The following MMP20 variants were observed in gnomAD, a reference collection of about 807,000 sequenced individuals.
MMP20 encodes matrix metallopeptidase 20, also known as matrix metalloproteinase-20.
A neutral mutation model predicts 51.8 loss-of-function variants in MMP20; 50 were observed. The observed-to-expected ratio is 0.97, with a 90% CI of 0.77 to 1.22. The LOEUF (loss-of-function observed/expected upper bound fraction) is 1.22. Ranked by LOEUF, MMP20 falls within the 50% of genes most tolerant of loss-of-function variation. MMP20 has a pLI of 0.00. For missense variants in MMP20, 663 were observed against 601.4 expected, an observed-to-expected ratio of 1.10 and a Z score of -1.07; for synonymous variants, 244 against 216.2, an observed-to-expected ratio of 1.13 and a Z score of -1.13.
chr11:102,596,433 C>T (rs1859381502), intron 6 of MMP20, among the ~76,000 whole-genome samples: 1 of 152,000 alleles, frequency 6.6e-6, no homozygotes, highest in Admixed American at 6.6e-5. Context: ...AATTTCCTGG[C>T]CAATATCATG....
At chr11:102,596,506 C>A (rs1335823858) in intron 6 of MMP20, among the ~76,000 whole-genome samples, 4 of 152,156 alleles carry the variant, frequency 2.6e-5, no homozygotes, top group African/African-American at 9.7e-5. Context: ...TGTAAGGTGC[C>A]ATATGGATAG....
intron 5 of MMP20, chr11:102,607,216 T>C (rs527629676): frequency 1.2e-5 from 2 of 168,494 alleles, no homozygotes; most frequent in African/African-American, 4.8e-5. Flanking sequence ...CAGGAAAAAC[T>C]GAGCGAGTTC....
chr11:102,599,014 T>C (rs1272199540), intron 6 of MMP20, among the ~76,000 whole-genome samples: 3 of 2,168 alleles, frequency 1.4e-3, no homozygotes, highest in Non-Finnish European at 1.9e-3. Context: ...TCTTCTATCT[T>C]TTTTTTTTTT....
At position 102,608,834 on chromosome 11, in the gene MMP20, T is replaced by C. The variant is rs180711831; in HGVS notation, c.811+103A>G. ...AAGGCATAGTTGGGGTTATGGTTTC[T>C]AGATTGATCTTTACCAATGCAGATA... On this transcript the variant is annotated intron_variant, in intron 5 of 9. Transcript: ENST00000260228. The C allele has an allele frequency of 2.7e-4, 339 of 1,238,232 alleles. No homozygotes were observed. The African/African-American group carries it at 3.9e-3, about 14-fold the overall frequency. The allele number at this position is 1,238,232 out of a possible 1,614,324, so 76.7% of individuals were successfully genotyped here.
intron 1 of MMP20, among the ~76,000 whole-genome samples, chr11:102,622,731 G>C (rs941966120): frequency 2.6e-5 from 4 of 152,174 alleles, no homozygotes; most frequent in Non-Finnish European, 5.9e-5. Context: ...CCTCATGGAA[G>C]GAGCATAAGA....
chr11:102,586,204 G>A lies in MMP20; in HGVS notation c.1248-7062C>T, dbSNP rs142020879. On this transcript the variant is annotated intron_variant, in intron 8 of 9. Transcript: ENST00000260228. ...CTGTTCTTTTCTAAGGTTTGGAGGA[G>A]TTTGTAAAAAAATTGACATTAATTC... Among the ~76,000 whole-genome samples the A allele has an allele frequency of 1.2e-3, 177 of 152,260 alleles. 1 individual carries two copies. Among genetic ancestry groups the A allele is most frequent in the African/African-American group, 4.0e-3 (167 of 41,556 alleles).
chr11:102,578,803 AC>A (rs1267051073), intron 9 of MMP20, among the ~76,000 whole-genome samples: 9 of 152,008 alleles, frequency 5.9e-5, no homozygotes, highest in Non-Finnish European at 1.0e-4. Flanking sequence ...AAAAACAAAA[AC>A]AAACAAACAA....
rs1037907666 is a variant in MMP20, at chr11:102,612,031, T to A, written c.375-128A>T. On this transcript the variant is annotated intron_variant, in intron 2 of 9. Transcript: ENST00000260228. ...AGATTTTTCTCTGAAATAATAATTC[T>A]TATTTTGCTTTATTATATGTTAAAT... 3.4e-6 allele frequency: 3 copies of A among 879,668 alleles called. No homozygotes were observed. In the African/African-American group the frequency reaches 5.0e-5, roughly 15 times the overall value. The allele number at this position is 879,668 out of a possible 1,614,324, so 54.5% of individuals were successfully genotyped here. A position where few individuals can be genotyped will look rare whatever the true frequency, so the allele number is the denominator to read the frequency against.
At chr11:102,591,869 C>G (rs1355787478) in intron 8 of MMP20, among the ~76,000 whole-genome samples, 2 of 152,110 alleles carry the variant, frequency 1.3e-5, no homozygotes, top group African/African-American at 4.8e-5. Flanking sequence ...TTCAATCCAG[C>G]CTGGCTGAAG....
At chr11:102,611,452 G>A (rs770583312) in intron 3 of MMP20, among the ~76,000 whole-genome samples, 5 of 152,256 alleles carry the variant, frequency 3.3e-5, no homozygotes, top group Non-Finnish European at 5.9e-5. Flanking sequence ...ATGAGGTCAT[G>A]TGGCTAACGG....
chr11:102,612,186 C>T (rs1202719617), intron 2 of MMP20, among the ~76,000 whole-genome samples: 2 of 152,046 alleles, frequency 1.3e-5, no homozygotes, highest in African/African-American at 2.4e-5. Context: ...AATTTGTGGC[C>T]GGGCGCAGTG....
chr11:102,606,633 G>T lies in MMP20; in HGVS notation c.855C>A (p.Ala285=), dbSNP rs768882792. 214 of 1,613,822 alleles carry T rather than the reference G, an allele frequency of 1.3e-4. No homozygotes were observed. Among genetic ancestry groups the T allele is most frequent in the Non-Finnish European group, 1.8e-4 (208 of 1,179,858 alleles). Residue 285 remains alanine, a synonymous_variant, in exon 6 of 10, where the codon GCC becomes GCA. Transcript: ENST00000260228. ...VFLGKPTLPH[A]PHHKPSIPDL... is the part of the protein sequence containing the mutation. ...CAGGGATGGATGGCTTGTGATGGGG[G>T]GCATGGGGCAGAGTGGGCTTCCCCA...
At chr11:102,606,730 A>G in intron 5 of MMP20, 54 bp from the exon 6 acceptor site, 1 of 1,602,490 alleles carries the variant, frequency 6.2e-7, no homozygotes, top group Non-Finnish European at 8.5e-7. Context: ...GAGTTCACAC[A>G]CTTCTGCTCT....
At chr11:102,625,057 G>T in intron 1 of MMP20, 137 bp downstream of exon 1, 1 of 1,105,372 alleles carries the variant, frequency 9.0e-7, no homozygotes, top group South Asian at 1.3e-5. Context: ...ACAGAAGATA[G>T]CATCAGTTAG....
intron 2 of MMP20, among the ~76,000 whole-genome samples, chr11:102,613,120 A>G (rs1409910764): frequency 6.6e-6 from 1 of 152,218 alleles, no homozygotes; most frequent in Non-Finnish European, 1.5e-5. Flanking sequence ...GCCTTTCAGC[A>G]ATTACTGGTG....
At chr11:102,591,534 T>A (rs1859317191) in intron 8 of MMP20, among the ~76,000 whole-genome samples, 2 of 144,082 alleles carry the variant, frequency 1.4e-5, no homozygotes, top group Non-Finnish European at 2.9e-5. Context: ...TAGGTATCTG[T>A]GTCTGCATGC....
chr11:102,624,971 G>A (rs1374652360), intron 1 of MMP20, among the ~76,000 whole-genome samples: 1 of 152,080 alleles, frequency 6.6e-6, no homozygotes, highest in African/African-American at 2.4e-5. Flanking sequence ...AGATAGCTAG[G>A]TAGATATATC....
intron 6 of MMP20, among the ~76,000 whole-genome samples, chr11:102,602,784 G>C (rs896286247): frequency 2.0e-5 from 3 of 152,154 alleles, no homozygotes; most frequent in Non-Finnish European, 4.4e-5. Flanking sequence ...ATTTATAGAT[G>C]ATTGTGTGTG....
At chr11:102,587,101 C>A (rs1292545829) in intron 8 of MMP20, among the ~76,000 whole-genome samples, 1 of 151,750 alleles carries the variant, frequency 6.6e-6, no homozygotes, top group Admixed American at 6.6e-5. Flanking sequence ...TAATTTTTTT[C>A]TCTGAGTGCT....
Sources: allele counts gnomAD v4.1 joint callset (sites outside exome capture counted in the v4.1 genomes callset), GRCh38; gene constraint gnomAD v4.1.1; transcripts MANE v1.5; gene names NCBI Gene and HGNC (gene_info 2026-07-23, HGNC 2026-07-21).